Variants in ITSN2 observed in about 807,000 individuals in gnomAD.
ITSN2 encodes the protein intersectin-2.
Under a neutral mutation model 243.7 loss-of-function variants are expected in ITSN2, and 156 were observed. The observed-to-expected ratio is 0.64, with a 90% confidence interval of 0.56 to 0.73. The LOEUF (loss-of-function observed/expected upper bound fraction) is 0.73. Among genes scored for constraint, ITSN2 ranks in the 30% least tolerant of loss-of-function variants. The pLI is 0.00. For synonymous variants in ITSN2, 703 were observed against 699.9 expected (o/e 1.00, Z -0.07); for missense variants, 1,801 against 1,996.1 (o/e 0.90, Z 1.86).
intron 1 of ITSN2, among the ~76,000 whole-genome samples, chr2:24,360,006 C>A (rs1291534850): frequency 6.6e-6 from 1 of 152,096 alleles, no homozygotes; most frequent in East Asian, 1.9e-4. Flanking sequence ...ACCTGCCAGA[C>A]GAGGCCGCGG....
At chr2:24,269,674 A>G (rs1358985093) in intron 20 of ITSN2, among the ~76,000 whole-genome samples, 1 of 152,238 alleles carries the variant, frequency 6.6e-6, no homozygotes, top group Non-Finnish European at 1.5e-5. Context: ...TGTTAAGAGC[A>G]GAGATAATGT....
chr2:24,295,520 G>A (rs1574194946), intron 14 of ITSN2, 144 bp downstream of exon 14: 2 of 500,654 alleles, frequency 4.0e-6, no homozygotes, highest in South Asian at 5.2e-5. Flanking sequence ...TGCTGACTGG[G>A]CTGGTCTCGA....
At chr2:24,213,847 T>G (rs1400346547) in intron 32 of ITSN2, among the ~76,000 whole-genome samples, 1 of 152,246 alleles carries the variant, frequency 6.6e-6, no homozygotes, top group East Asian at 1.9e-4. Context: ...CCTCCTACCC[T>G]TATCACAAAT....
At chr2:24,236,865 T>A (rs577615776) in intron 29 of ITSN2, among the ~76,000 whole-genome samples, 1,535 of 151,020 alleles carry the variant, frequency 0.01, 14 homozygotes, top group African/African-American at 0.018. Flanking sequence ...TCTTTTATTT[T>A]TTATTTTTTT....
At chr2:24,358,213 G>C (rs529517405) in intron 1 of ITSN2, among the ~76,000 whole-genome samples, 1 of 152,240 alleles carries the variant, frequency 6.6e-6, no homozygotes, top group East Asian at 1.9e-4. Flanking sequence ...CCGGCACATA[G>C]ATAACTCTTT....
At chr2:24,348,183 T>C (rs1687715769) in intron 1 of ITSN2, among the ~76,000 whole-genome samples, 1 of 137,526 alleles carries the variant, frequency 7.3e-6, no homozygotes, top group African/African-American at 2.7e-5. Context: ...GTTTTTCAAA[T>C]ACTATGATTT....
At chr2:24,224,637 T>A (rs932319020) in intron 29 of ITSN2, among the ~76,000 whole-genome samples, 10 of 29,494 alleles carry the variant, frequency 3.4e-4, no homozygotes, top group South Asian at 1.3e-3. Context: ...GCTCTTCAAC[T>A]TTTTTTTTTT....
chr2:24,294,678 T>C (rs998764211), intron 14 of ITSN2, among the ~76,000 whole-genome samples: 1 of 152,196 alleles, frequency 6.6e-6, no homozygotes, highest in African/African-American at 2.4e-5. Flanking sequence ...ATTCAAGTTC[T>C]CATCATAATT....
chr2:24,222,046 A>C (rs565462868), intron 29 of ITSN2, among the ~76,000 whole-genome samples: 1 of 152,190 alleles, frequency 6.6e-6, no homozygotes, highest in South Asian at 2.1e-4. Flanking sequence ...AGGTCAGGAG[A>C]TCGAGACCAT....
chr2:24,289,826 G>A (rs532403523), intron 15 of ITSN2, among the ~76,000 whole-genome samples: 64 of 152,220 alleles, frequency 4.2e-4, no homozygotes, highest in African/African-American at 1.5e-3. Context: ...CAGTGTTAGT[G>A]GATTTTATGT....
At chr2:24,285,693 C>A (rs1468765837) in intron 16 of ITSN2, among the ~76,000 whole-genome samples, 2 of 152,184 alleles carry the variant, frequency 1.3e-5, no homozygotes, top group African/African-American at 4.8e-5. Context: ...TCTGCCACTG[C>A]GGCAAACAAT....
At position 24,203,376 on chromosome 2, in the gene ITSN2, T is replaced by A; in HGVS notation, c.*250A>T. 2.7e-6 allele frequency: 1 copy of A among 369,504 alleles called. No individual in the cohort carries two copies. Among genetic ancestry groups the A allele is most frequent in the Non-Finnish European group, 4.9e-6 (1 of 205,200 alleles). The allele number at this position is 369,504 out of a possible 1,614,324, so 22.9% of individuals were successfully genotyped here. A position where few individuals can be genotyped will look rare whatever the true frequency, so the allele number is the denominator to read the frequency against. Reference sequence around the variant, plus strand: ...AGCCCTGAAAATGGAAACCTTGGCATCTAAACAAACAGAGCTGAACATGTG... The same window carrying A: ...AGCCCTGAAAATGGAAACCTTGGCAACTAAACAAACAGAGCTGAACATGTG... On this transcript the variant is annotated 3_prime_UTR_variant, in exon 40 of 40. Transcript: ENST00000355123.
At chr2:24,247,348 A>G (rs1309119993) in intron 27 of ITSN2, among the ~76,000 whole-genome samples, 1 of 152,224 alleles carries the variant, frequency 6.6e-6, no homozygotes, top group Non-Finnish European at 1.5e-5. Context: ...GACAACTGGA[A>G]GCTCTGTTTT....
Position 24,246,290 on chromosome 2 carries a change from G to C in ITSN2, c.3416C>G (p.Ala1139Gly). Reference protein sequence around the residue: ...VCQVIAMYDYAANNEDELSFS... With the variant: ...VCQVIAMYDYGANNEDELSFS... ...ACTGAGCTCATCTTCATTATTTGCT[G>C]CATAGTCATACATAGCAATCACCTG... Residue 1139 changes from alanine (A) to glycine (G), a missense_variant, in exon 29 of 40, where the codon GCA becomes GGA. Transcript: ENST00000355123. The C allele has an allele frequency of 6.2e-7, 1 of 1,610,348 alleles. No homozygotes were observed. Among genetic ancestry groups the C allele is most frequent in the South Asian group, 1.1e-5 (1 of 90,880 alleles).
rs757591158 is a variant in ITSN2, at chr2:24,302,105, A to G, written c.858-3T>C. On this transcript the variant is annotated splice_region_variant and splice_polypyrimidine_tract_variant and intron_variant, in intron 9 of 39. Coordinates refer to ENST00000355123, the MANE Select transcript of ITSN2 (RefSeq NM_006277.3). Reference sequence around the variant, plus strand: ...CACCATCAACGTCAGCCAGAGTCCTAAAGAAAATGTTAAAATTCACAACTT... The same window carrying G: ...CACCATCAACGTCAGCCAGAGTCCTGAAGAAAATGTTAAAATTCACAACTT... 1.3e-6 allele frequency: 2 copies of G among 1,593,400 alleles called. No individual in the cohort carries two copies. The highest frequency in any genetic ancestry group is 1.7e-6 in the Non-Finnish European group (2 of 1,170,054).
chr2:24,347,697 T>C (rs900885213), intron 1 of ITSN2, among the ~76,000 whole-genome samples: 3 of 145,602 alleles, frequency 2.1e-5, no homozygotes, highest in Non-Finnish European at 1.5e-5. Context: ...AAAAAAAAAA[T>C]TGTAGAATAT....
intron 31 of ITSN2, 150 bp downstream of exon 31, chr2:24,217,756 AT>A (rs1670104804): frequency 7.5e-6 from 4 of 534,824 alleles, no homozygotes. Flanking sequence ...GTCACAGGAT[AT>A]TTCATAAAAT....
chr2:24,204,283 C>G lies in ITSN2; in HGVS notation c.4898G>C (p.Cys1633Ser), dbSNP rs913786847. The G allele has an allele frequency of 3.1e-6, 5 of 1,614,136 alleles. No homozygotes were observed. The highest frequency in any genetic ancestry group is 1.3e-5 in the African/African-American group (1 of 75,022). Residue 1633 changes from cysteine to serine, a missense_variant, in exon 39 of 40, where the codon TGT becomes TCT. Coordinates refer to ENST00000355123, the MANE Select transcript of ITSN2 (RefSeq NM_006277.3). The surrounding 1 kb of genome is among the most constrained non-coding windows in gnomAD (Gnocchi z 5.1). ...FIKDLYQDVL[C>S]LTLFDRDQFS... ...CTGGTCTCTGTCAAACAGGGTGAGACACAGCACGTCTTGGTAGAGATCCTT... is the reference window on the plus strand; with the variant it reads ...CTGGTCTCTGTCAAACAGGGTGAGAGACAGCACGTCTTGGTAGAGATCCTT...
chr2:24,244,717 C>T (rs1043653237), intron 29 of ITSN2, among the ~76,000 whole-genome samples: 1 of 152,108 alleles, frequency 6.6e-6, no homozygotes, highest in East Asian at 1.9e-4. Context: ...TTAGGCAACC[C>T]AAGTTACAAT....
Sources: allele counts gnomAD v4.1 joint callset (sites outside exome capture counted in the v4.1 genomes callset), GRCh38; gene constraint gnomAD v4.1.1; non-coding constraint Gnocchi (gnomAD v3.1); transcripts MANE v1.5; gene names NCBI Gene and HGNC (gene_info 2026-07-23, HGNC 2026-07-21).